Variants in UBR3 observed in about 807,000 individuals in gnomAD.
UBR3 encodes the protein ubiquitin protein ligase E3 component n-recognin 3.
A neutral mutation model predicts 243.2 loss-of-function variants in UBR3; 85 were observed. The observed-to-expected ratio is 0.35, with a 90% CI of 0.29 to 0.42. The LOEUF is 0.42. Among genes scored for constraint, UBR3 ranks in the 10% least tolerant of loss-of-function variants. The pLI is 1.00. For synonymous variants in UBR3, 748 were observed against 799.8 expected (o/e 0.94, Z 1.09); for missense variants, 1,686 against 2,300.8 (o/e 0.73, Z 5.47).
chr2:169,912,104 A>T (rs1003685042), intron 10 of UBR3, among the ~76,000 whole-genome samples: 2 of 152,210 alleles, frequency 1.3e-5, no homozygotes, highest in Non-Finnish European at 2.9e-5. Flanking sequence ...GCTTTTTAAA[A>T]AGGCATATTT....
At chr2:169,932,337 C>G (rs1211839095) in intron 18 of UBR3, among the ~76,000 whole-genome samples, 2 of 152,292 alleles carry the variant, frequency 1.3e-5, no homozygotes, top group East Asian at 3.9e-4. Context: ...CTCAGCTGCC[C>G]AAAGTGCTGG....
At chr2:169,974,548 C>T (rs2088334029) in intron 24 of UBR3, among the ~76,000 whole-genome samples, 1 of 151,912 alleles carries the variant, frequency 6.6e-6, no homozygotes, top group African/African-American at 2.4e-5. Flanking sequence ...TGAGTCTTTT[C>T]TCATTTTTCC....
intron 20 of UBR3, among the ~76,000 whole-genome samples, chr2:169,942,938 C>T (rs1238644398): frequency 2.0e-5 from 3 of 152,154 alleles, no homozygotes; most frequent in Non-Finnish European, 2.9e-5. Context: ...GAATGAGCTA[C>T]AGGGACCAAA....
At chr2:170,005,537 G>A (rs1338365924) in intron 27 of UBR3, among the ~76,000 whole-genome samples, 1 of 152,266 alleles carries the variant, frequency 6.6e-6, no homozygotes, top group East Asian at 1.9e-4. Context: ...GATAGGATAA[G>A]AAAAACCTGA....
At chr2:169,950,596 T>C (rs1021379609) in intron 23 of UBR3, among the ~76,000 whole-genome samples, 5 of 151,452 alleles carry the variant, frequency 3.3e-5, no homozygotes, top group Non-Finnish European at 7.4e-5. Flanking sequence ...TATAAACTTT[T>C]TTTTCATCTT....
chr2:169,843,032 T>C (rs1028779766), intron 1 of UBR3, among the ~76,000 whole-genome samples: 2 of 152,254 alleles, frequency 1.3e-5, no homozygotes, highest in African/African-American at 4.8e-5. Context: ...GGAACTATCC[T>C]TAATGCTTCT....
At chr2:169,953,659 A>G (rs867618663) in intron 23 of UBR3, among the ~76,000 whole-genome samples, 5 of 152,330 alleles carry the variant, frequency 3.3e-5, no homozygotes, top group Middle Eastern at 3.4e-3. Flanking sequence ...TTAGTATAGA[A>G]ACCTGCTATA....
chr2:169,940,383 C>T (rs1012518304), intron 19 of UBR3, among the ~76,000 whole-genome samples: 3 of 151,984 alleles, frequency 2.0e-5, no homozygotes, highest in South Asian at 2.1e-4. Flanking sequence ...AAGAGCATAG[C>T]GCCTTAAAAT....
chr2:169,857,346 A>G (rs1225578328), intron 1 of UBR3, among the ~76,000 whole-genome samples: 1 of 151,972 alleles, frequency 6.6e-6, no homozygotes, highest in Non-Finnish European at 1.5e-5. Context: ...CAAAGTGCTA[A>G]TGTGAGCCAC....
chr2:170,048,291 T>C (rs2091136461), intron 32 of UBR3, among the ~76,000 whole-genome samples: 1 of 152,206 alleles, frequency 6.6e-6, no homozygotes, highest in Non-Finnish European at 1.5e-5. Flanking sequence ...GGACTAGTTT[T>C]GGCCGATTCA....
intron 24 of UBR3, among the ~76,000 whole-genome samples, chr2:169,981,979 G>A (rs955259298): frequency 6.6e-6 from 1 of 152,112 alleles, no homozygotes; most frequent in Non-Finnish European, 1.5e-5. Context: ...ACTTATCTGA[G>A]GGAAGTCAGA....
At chr2:170,013,343 G>C (rs1013134379) in intron 29 of UBR3, among the ~76,000 whole-genome samples, 1 of 152,140 alleles carries the variant, frequency 6.6e-6, no homozygotes, top group Non-Finnish European at 1.5e-5. Context: ...AGTGGTGTGC[G>C]CCTATTCCTG....
chr2:169,962,505 C>T (rs758852593), intron 24 of UBR3, among the ~76,000 whole-genome samples: 20 of 152,162 alleles, frequency 1.3e-4, no homozygotes, highest in Non-Finnish European at 2.6e-4. Context: ...TTTTAAGCCA[C>T]TGAGCATCAG....
At chr2:169,839,166 C>T (rs562018925) in intron 1 of UBR3, among the ~76,000 whole-genome samples, 125 of 152,200 alleles carry the variant, frequency 8.2e-4, no homozygotes, top group Non-Finnish European at 7.5e-4. Flanking sequence ...GGTATATATG[C>T]ACAATGGAAT....
chr2:170,040,436 C>G (rs1365356267), intron 31 of UBR3, among the ~76,000 whole-genome samples: 1 of 152,098 alleles, frequency 6.6e-6, no homozygotes, highest in Non-Finnish European at 1.5e-5. Context: ...GTTAACCATA[C>G]CTTTTCAACA....
intron 11 of UBR3, among the ~76,000 whole-genome samples, chr2:169,916,060 A>G (rs35057276): frequency 0.42 from 64,306 of 151,904 alleles, 15,214 homozygotes; most frequent in Non-Finnish European, 0.54. Flanking sequence ...TTAGTGTGGA[A>G]CAGTATTTAG....
At chr2:169,941,242 C>T (rs1217953712) in intron 19 of UBR3, among the ~76,000 whole-genome samples, 1 of 152,174 alleles carries the variant, frequency 6.6e-6, no homozygotes, top group Non-Finnish European at 1.5e-5. Context: ...CTCTTATCCT[C>T]AGGACATGTT....
chr2:169,878,692 GT>G, intron 5 of UBR3, 118 bp downstream of exon 5: 1 of 954,922 alleles, frequency 1.0e-6, no homozygotes, highest in Non-Finnish European at 1.5e-6. Context: ...GCATTATGTA[GT>G]TTAAGTTTCT....
Position 170,084,097 on chromosome 2 carries a change from C to A in UBR3, c.*2254C>A, listed in dbSNP as rs1331540388. ...ACATTGTAAGATATGTTAATAAAAACCTGCTGTCATTTGGTTTGTGAAAGG... is the reference window on the plus strand; with the variant it reads ...ACATTGTAAGATATGTTAATAAAAAACTGCTGTCATTTGGTTTGTGAAAGG... On this transcript the variant is annotated 3_prime_UTR_variant, in exon 39 of 39. Transcript: ENST00000272793. 6.6e-6 allele frequency: 1 copy of A among 152,094 alleles called. No homozygotes were observed. The highest frequency in any genetic ancestry group is 2.4e-5 in the African/African-American group (1 of 41,348). The allele number at this position is 152,094 out of a possible 1,614,324, so 9.4% of individuals were successfully genotyped here.
Sources: gnomAD v4.1 joint callset for allele counts (sites outside exome capture counted in the v4.1 genomes callset) on GRCh38, gnomAD v4.1.1 for gene constraint, MANE v1.5 for transcripts, NCBI Gene and HGNC (gene_info 2026-07-23, HGNC 2026-07-21) for gene names.